ADGRL2: variants seen among roughly 807,000 people sequenced by gnomAD.
ADGRL2 encodes adhesion G protein-coupled receptor L2.
A neutral mutation model predicts 157.4 loss-of-function variants in ADGRL2; 44 were observed. That is an observed-to-expected ratio of 0.28 (90% CI 0.22 to 0.36). The LOEUF (loss-of-function observed/expected upper bound fraction) is 0.36. Among genes scored for constraint, ADGRL2 ranks in the 10% least tolerant of loss-of-function variants. The pLI is 1.00. For missense variants in ADGRL2, 1,510 were observed against 1,768.9 expected (o/e 0.85, Z 2.63); for synonymous variants, 585 against 624.7 (o/e 0.94, Z 0.95).
intron 3 of ADGRL2, among the ~76,000 whole-genome samples, chr1:81,608,902 G>C (rs901824874): frequency 1.2e-4 from 19 of 152,006 alleles, no homozygotes; most frequent in African/African-American, 4.4e-4. Context: ...TGGAAAGGTG[G>C]CTTCGAGATC....
intron 1 of ADGRL2, among the ~76,000 whole-genome samples, chr1:81,706,534 G>A (rs959672925): frequency 3.9e-5 from 6 of 152,202 alleles, no homozygotes; most frequent in Non-Finnish European, 8.8e-5. Context: ...CTGAGAAGAC[G>A]CAGGGCTAAC....
At chr1:81,404,514 G>C (rs918557919) in intron 1 of ADGRL2, among the ~76,000 whole-genome samples, 17 of 152,108 alleles carry the variant, frequency 1.1e-4, no homozygotes, top group African/African-American at 4.1e-4. Flanking sequence ...ATTGGGCCAA[G>C]GCAAACAATT....
intron 1 of ADGRL2, among the ~76,000 whole-genome samples, chr1:81,726,839 C>A (rs2084545953): frequency 6.6e-6 from 1 of 152,156 alleles, no homozygotes; most frequent in African/African-American, 2.4e-5. Flanking sequence ...GATAACTGTT[C>A]AGGCCTGAAT....
intron 2 of ADGRL2, among the ~76,000 whole-genome samples, chr1:81,449,568 T>G (rs2077667852): frequency 6.6e-6 from 1 of 152,140 alleles, no homozygotes; most frequent in Admixed American, 6.5e-5. Context: ...GAACTACAAT[T>G]ACAACAGTTG....
intron 1 of ADGRL2, among the ~76,000 whole-genome samples, chr1:81,830,890 A>G (rs1321871253): frequency 2.6e-5 from 4 of 152,194 alleles, no homozygotes; most frequent in Non-Finnish European, 5.9e-5. Flanking sequence ...TGATGGTGAT[A>G]TTGATGATCT....
chr1:81,636,910 A>G (rs1232142781), intron 3 of ADGRL2, among the ~76,000 whole-genome samples: 5 of 152,126 alleles, frequency 3.3e-5, no homozygotes, highest in African/African-American at 7.2e-5. Context: ...ATCTTAGCTC[A>G]CTGCAAGCTG....
chr1:81,492,546 A>G (rs2078655677), intron 2 of ADGRL2, among the ~76,000 whole-genome samples: 1 of 152,178 alleles, frequency 6.6e-6, no homozygotes, highest in Non-Finnish European at 1.5e-5. Flanking sequence ...ATAAATTAGA[A>G]ATACTTGGAC....
At chr1:81,607,591 G>T (rs17456217) in intron 3 of ADGRL2, among the ~76,000 whole-genome samples, 1 of 152,084 alleles carries the variant, frequency 6.6e-6, no homozygotes. Context: ...ATGAAATTCA[G>T]GAGGTAAGAA....
At chr1:81,336,899 C>G (rs1179161666) in intron 1 of ADGRL2, among the ~76,000 whole-genome samples, 9 of 152,002 alleles carry the variant, frequency 5.9e-5, no homozygotes, top group African/African-American at 2.2e-4. Context: ...CCATGAAAAC[C>G]CCAGGCTCCA....
chr1:81,846,680 C>A (rs1007472431), intron 2 of ADGRL2, among the ~76,000 whole-genome samples: 1 of 151,906 alleles, frequency 6.6e-6, no homozygotes, highest in Non-Finnish European at 1.5e-5. Flanking sequence ...AATTAGTTCT[C>A]TTTTCCCTTA....
intron 2 of ADGRL2, among the ~76,000 whole-genome samples, chr1:81,492,052 T>C (rs552995188): frequency 2.2e-4 from 34 of 152,294 alleles, no homozygotes; most frequent in African/African-American, 7.7e-4. Flanking sequence ...GCATTTTACA[T>C]GAAAGGAAGA....
intron 3 of ADGRL2, among the ~76,000 whole-genome samples, chr1:81,907,904 A>T (rs2094619253): frequency 6.6e-6 from 1 of 152,194 alleles, no homozygotes; most frequent in Non-Finnish European, 1.5e-5. Flanking sequence ...TTCATGTGCC[A>T]CATAATGACT....
chr1:81,355,032 A>G (rs1157868917), intron 1 of ADGRL2, among the ~76,000 whole-genome samples: 1 of 152,224 alleles, frequency 6.6e-6, no homozygotes, highest in East Asian at 1.9e-4. Context: ...CTCTCTCTGT[A>G]AAGCTCTTTG....
chr1:81,743,903 T>A (rs1371188162), intron 1 of ADGRL2, among the ~76,000 whole-genome samples: 2 of 152,110 alleles, frequency 1.3e-5, no homozygotes, highest in Non-Finnish European at 2.9e-5. Flanking sequence ...ATTTTTGTAA[T>A]ATAGCAGTTA....
chr1:81,467,064 A>G (rs1346832989), intron 2 of ADGRL2, among the ~76,000 whole-genome samples: 1 of 152,048 alleles, frequency 6.6e-6, no homozygotes, highest in African/African-American at 2.4e-5. Flanking sequence ...AAAAAAGAAA[A>G]AAAACGACTG....
chr1:81,544,145 A>G (rs528809145), intron 2 of ADGRL2, among the ~76,000 whole-genome samples: 1 of 152,122 alleles, frequency 6.6e-6, no homozygotes, highest in African/African-American at 2.4e-5. Context: ...TTTATCATCT[A>G]TGACCATGCT....
At chr1:81,587,285 C>G (rs1044129379) in intron 3 of ADGRL2, among the ~76,000 whole-genome samples, 1 of 151,986 alleles carries the variant, frequency 6.6e-6, no homozygotes, top group Non-Finnish European at 1.5e-5. Context: ...CAAGTGTGTA[C>G]TTAGTGCTAT....
chr1:81,712,488 C>G (rs755786203), intron 1 of ADGRL2, among the ~76,000 whole-genome samples: 1 of 151,998 alleles, frequency 6.6e-6, no homozygotes, highest in Non-Finnish European at 1.5e-5. Flanking sequence ...ATTTAATTAT[C>G]AAACAATTTA....
chr1:81,491,105 C>T (rs1338060262), intron 2 of ADGRL2, among the ~76,000 whole-genome samples: 1 of 152,156 alleles, frequency 6.6e-6, no homozygotes, highest in African/African-American at 2.4e-5. Flanking sequence ...ATCCCACCCC[C>T]TTGAGAATAA....
Sources: gnomAD v4.1 joint callset for allele counts (sites outside exome capture counted in the v4.1 genomes callset) on GRCh38, gnomAD v4.1.1 for gene constraint, MANE v1.5 for transcripts, NCBI Gene and HGNC (gene_info 2026-07-23, HGNC 2026-07-21) for gene names.